Variants in TMEM255A observed in about 807,000 individuals in gnomAD.
TMEM255A encodes the protein family with sequence similarity 70, member A.
A neutral mutation model predicts 23.5 loss-of-function variants in TMEM255A; 14 were observed. That is an observed-to-expected ratio of 0.60 (90% CI 0.39 to 0.93). The LOEUF (loss-of-function observed/expected upper bound fraction) is 0.93, where lower values mean the gene tolerates loss of function less well. Ranked by LOEUF, TMEM255A falls within the 40% of genes least tolerant of loss-of-function variation. The pLI, the probability that TMEM255A is intolerant of heterozygous loss-of-function variation, is 0.00. For synonymous variants in TMEM255A, 104 were observed against 100.3 expected (o/e 1.04, Z -0.22); for missense variants, 233 against 261.7 (o/e 0.89, Z 0.76).
chrX:120,293,565 T>C (rs2057931804), intron 3 of TMEM255A, among the ~76,000 whole-genome samples: 1 of 112,916 alleles, frequency 8.9e-6, no homozygotes, highest in African/African-American at 3.2e-5. Context: ...GCAGGAACTC[T>C]CTGTGAAAAC....
chrX:120,305,535 G>A (rs1337856417), intron 1 of TMEM255A, among the ~76,000 whole-genome samples: 1 of 110,932 alleles, frequency 9.0e-6, no homozygotes, highest in Non-Finnish European at 1.9e-5. Flanking sequence ...GCCCACCCAC[G>A]TGGCTTGACT....
At chrX:120,308,881 G>A (rs782198080) in intron 1 of TMEM255A, among the ~76,000 whole-genome samples, 20 of 113,065 alleles carry the variant, frequency 1.8e-4, no homozygotes, top group South Asian at 7.3e-4. Context: ...GCCAGCAAGC[G>A]TAGAGTGCAG....
chrX:120,254,202 G>A (rs781908029), downstream of TMEM255A: 61 of 1,209,993 alleles, frequency 5.0e-5, no homozygotes, highest in Non-Finnish European at 6.6e-5. Context: ...CCAAACACAA[G>A]GAAGTGAAAA....
chrX:120,285,355 G>T, intron 5 of TMEM255A, 140 bp from the exon 6 acceptor site: 1 of 639,120 alleles, frequency 1.6e-6, no homozygotes, highest in Non-Finnish European at 2.5e-6. Flanking sequence ...GGAAGGATGG[G>T]GCTGGATGGG....
chrX:120,255,040 T>C, downstream of TMEM255A: 1 of 1,211,808 alleles, frequency 8.3e-7, no homozygotes. Flanking sequence ...AAGCATGAAA[T>C]TCATCACACA....
chrX:120,254,286 C>T (rs782798261), downstream of TMEM255A: 3 of 1,212,009 alleles, frequency 2.5e-6, no homozygotes, highest in South Asian at 5.3e-5. Context: ...ACTTTCTACA[C>T]CACCAAATGT....
intron 5 of TMEM255A, among the ~76,000 whole-genome samples, chrX:120,286,811 G>A (rs182076602): frequency 1.3e-4 from 15 of 111,782 alleles, no homozygotes; most frequent in African/African-American, 4.6e-4. Context: ...CTGAGTTCAG[G>A]CAACTGAACC....
chrX:120,305,215 A>C (rs1464479142), intron 1 of TMEM255A, among the ~76,000 whole-genome samples: 3 of 111,810 alleles, frequency 2.7e-5, no homozygotes, highest in African/African-American at 9.8e-5. Flanking sequence ...CCATTCTCCC[A>C]CTCAGGGCTT....
intron 2 of TMEM255A, among the ~76,000 whole-genome samples, chrX:120,295,003 G>A (rs1245727172): frequency 1.2e-4 from 13 of 111,554 alleles, no homozygotes; most frequent in Non-Finnish European, 1.9e-4. Flanking sequence ...AACAGAAATG[G>A]CAGTGTAAAA....
chrX:120,265,327 G>A (rs955142813), intron 8 of TMEM255A, among the ~76,000 whole-genome samples: 5 of 111,876 alleles, frequency 4.5e-5, no homozygotes, highest in Non-Finnish European at 9.4e-5. Flanking sequence ...CAAGACTTAG[G>A]CTATACAATT....
At chrX:120,308,972 C>G (rs1474578382) in intron 1 of TMEM255A, among the ~76,000 whole-genome samples, 1 of 112,635 alleles carries the variant, frequency 8.9e-6, no homozygotes, top group Non-Finnish European at 1.9e-5. Context: ...AGGGAGTCCC[C>G]TCAGAAATGC....
At chrX:120,257,808 C>A, downstream of TMEM255A, 1 of 122,957 alleles carries the variant, frequency 8.1e-6, no homozygotes, top group African/African-American at 3.3e-5. Flanking sequence ...TAGCAAGATG[C>A]TGTTTAAAAT....
chrX:120,291,186 C>T, intron 4 of TMEM255A, 65 bp downstream of exon 4: 1 of 864,079 alleles, frequency 1.2e-6, no homozygotes, highest in Non-Finnish European at 1.7e-6. Flanking sequence ...GAACATCGAG[C>T]ACACATTCAG....
rs1191837708 is a variant in TMEM255A at position 120,283,941 on chromosome X, C to T, written c.512+1186G>A. On this transcript the variant is annotated intron_variant, in intron 6 of 8. Transcript: ENST00000371369. ...ATCTCTGGCTACACCTCTGTCTTACCTCCTACCACACCTTCTGTAACTACC... is the reference window on the plus strand; with the variant it reads ...ATCTCTGGCTACACCTCTGTCTTACTTCCTACCACACCTTCTGTAACTACC... 8.1e-5 allele frequency among the ~76,000 whole-genome samples: 9 copies of T among 111,430 alleles called. No homozygotes were observed. The Admixed American group carries it at 8.6e-4, about 11-fold the overall frequency.
intron 8 of TMEM255A, among the ~76,000 whole-genome samples, chrX:120,262,463 G>A (rs1430146145): frequency 9.0e-6 from 1 of 111,095 alleles, no homozygotes; most frequent in Admixed American, 9.5e-5. Flanking sequence ...TGGCAGGGTC[G>A]TAGAACCTGG....
chrX:120,260,118 T>G lies in TMEM255A; in HGVS notation c.*752A>C. 1.4e-6 allele frequency: 1 copy of G among 739,217 alleles called. No individual in the cohort carries two copies. The highest frequency in any genetic ancestry group is 7.7e-4 in the Middle Eastern group (1 of 1,294). 60.9% of individuals were successfully genotyped at this position (739,217 alleles called of 1,213,427 possible). The stretch of plus-strand genomic sequence containing the variant: ...AAATGTATTTTGTAATAATGCAACA[T>G]GTAGTAGAACCACTGTCTCCTAAGT... On this transcript the variant is annotated 3_prime_UTR_variant, in exon 9 of 9. Coordinates refer to ENST00000371369, the MANE Select transcript of TMEM255A (RefSeq NM_001104544.3).
intron 7 of TMEM255A, among the ~76,000 whole-genome samples, 164 bp downstream of exon 7, chrX:120,276,721 C>T (rs1345085852): frequency 9.0e-6 from 1 of 111,421 alleles, no homozygotes; most frequent in Non-Finnish European, 1.9e-5. Context: ...GATGACATTA[C>T]CTGGCTCCTT....
At chrX:120,304,306 A>C in intron 2 of TMEM255A, 43 bp downstream of exon 2, 1 of 1,167,936 alleles carries the variant, frequency 8.6e-7, no homozygotes, top group Admixed American at 2.5e-5. Context: ...GAATTTCTGT[A>C]GACAGCAAGC....
In TMEM255A at chrX:120,272,296, C is replaced by A. The variant is rs781996781; in HGVS notation, c.676-3909G>T. ...GGCACCTCTCTCAGTACTGAGGGTG[C>A]CTCTGGGGAGCATGAGGACCCTGCA... On this transcript the variant is annotated intron_variant, in intron 7 of 8. Coordinates refer to ENST00000371369, the MANE Select transcript of TMEM255A (RefSeq NM_001104544.3). 2.2e-3 allele frequency among the ~76,000 whole-genome samples: 247 copies of A among 111,811 alleles called. 2 individuals carry two copies. The highest frequency in any genetic ancestry group is 7.8e-3 in the African/African-American group (239 of 30,785).
Sources: allele counts gnomAD v4.1 joint callset (sites outside exome capture counted in the v4.1 genomes callset), GRCh38; gene constraint gnomAD v4.1.1; transcripts MANE v1.5; gene names NCBI Gene and HGNC (gene_info 2026-07-23, HGNC 2026-07-21).